Variants in NMNAT1 observed in about 807,000 individuals in gnomAD.
The protein encoded by NMNAT1 is nicotinamide/nicotinic acid mononucleotide adenylyltransferase 1.
A neutral mutation model predicts 16.7 loss-of-function variants in NMNAT1; 11 were observed. That is an observed-to-expected ratio of 0.66 (90% CI 0.41 to 1.09). NMNAT1 has a LOEUF of 1.09. Among genes scored for constraint, NMNAT1 ranks in the 50% least tolerant of loss-of-function variants. The pLI is 0.00. For missense variants in NMNAT1, 280 were observed against 332.3 expected (o/e 0.84, Z 1.22); for synonymous variants, 110 against 119.8 (o/e 0.92, Z 0.53).
In NMNAT1 at chr1:9,982,480, C is replaced by T. The variant is rs142968179; in HGVS notation, c.619C>T (p.Arg207Trp). 2.4e-5 allele frequency: 39 copies of T among 1,613,964 alleles called. No individual in the cohort carries two copies. The highest frequency in any genetic ancestry group is 3.1e-5 in the Non-Finnish European group (37 of 1,180,046). ...TGAATCGGATGTGCTGTGGAAACAC[C>T]GGAGCAACATTCACGTGGTGAATGA... The part of the protein sequence containing the change: ...IYESDVLWKH[R>W]SNIHVVNEWI... Residue 207 changes from arginine to tryptophan, a missense_variant, in exon 5 of 5, where the codon CGG (arginine) becomes TGG (tryptophan). Physicochemically the swap from Arg to Trp is moderately radical, Grantham distance 101. Transcript: ENST00000377205.
chr1:9,974,385 G>A (rs1471133665), intron 2 of NMNAT1, among the ~76,000 whole-genome samples: 1 of 97,356 alleles, frequency 1.0e-5, no homozygotes, highest in African/African-American at 3.7e-5. Flanking sequence ...CACCACATCT[G>A]GCTAATTTTT....
chr1:9,982,641 C>T lies in NMNAT1; in HGVS notation c.780C>T (p.Asp260=). The T allele has an allele frequency of 6.2e-7, 1 of 1,614,106 alleles. No individual in the cohort carries two copies. The highest frequency in any genetic ancestry group is 8.5e-7 in the Non-Finnish European group (1 of 1,180,000). ...KHNLYSSESE[D]RNAGVILAPL... The stretch of plus-strand genomic sequence containing the variant: ...ATTTGTACAGCTCTGAGAGTGAAGA[C>T]AGGAATGCTGGGGTCATCCTGGCCC... The change falls in exon 5 of 5, where the codon GAC becomes GAT. Residue 260 remains aspartate, a synonymous_variant. Coordinates refer to ENST00000377205, the MANE Select transcript of NMNAT1 (RefSeq NM_022787.4).
intron 1 of NMNAT1, among the ~76,000 whole-genome samples, chr1:9,953,138 G>A (rs549997285): frequency 4.6e-5 from 7 of 151,646 alleles, no homozygotes; most frequent in Non-Finnish European, 8.8e-5. Flanking sequence ...CCGCCACCAC[G>A]CCTGGCTAAT....
chr1:9,968,770 C>CA (rs35088826), intron 1 of NMNAT1, among the ~76,000 whole-genome samples: 54,807 of 79,020 alleles, frequency 0.69, 19,511 homozygotes, highest in Non-Finnish European at 0.81. Context: ...GACTCTGTCT[C>CA]AAAAAAAAAA....
intron 2 of NMNAT1, among the ~76,000 whole-genome samples, chr1:9,973,707 C>CAAA (rs1053350657): frequency 3.7e-4 from 8 of 21,614 alleles, no homozygotes; most frequent in African/African-American, 8.0e-4. Flanking sequence ...GACTCCATCT[C>CAAA]AAAAAAAAAA....
chr1:9,971,256 T>C (rs950155829), intron 1 of NMNAT1, among the ~76,000 whole-genome samples: 4 of 152,140 alleles, frequency 2.6e-5, no homozygotes, highest in Non-Finnish European at 5.9e-5. Context: ...CAGATTCACA[T>C]TGAAAAGGAG....
At chr1:9,949,985 A>G (rs1024081056) in intron 1 of NMNAT1, 3 of 152,124 alleles carry the variant, frequency 2.0e-5, no homozygotes, top group Non-Finnish European at 4.4e-5. Context: ...TTGATAGGAG[A>G]TCTTTATTTG....
At chr1:9,967,971 G>A (rs1466170503) in intron 1 of NMNAT1, among the ~76,000 whole-genome samples, 1 of 151,502 alleles carries the variant, frequency 6.6e-6, no homozygotes, top group Non-Finnish European at 1.5e-5. Flanking sequence ...GTGAGATACT[G>A]TCTCAAAAAT....
downstream of NMNAT1, among the ~76,000 whole-genome samples, chr1:9,987,164 T>C (rs1194933727): frequency 6.8e-6 from 1 of 147,204 alleles, no homozygotes; most frequent in Non-Finnish European, 1.5e-5. Context: ...TGACACTGCA[T>C]TCCAGCCTGG....
intron 1 of NMNAT1, among the ~76,000 whole-genome samples, 159 bp from the exon 2 acceptor site, chr1:9,971,859 A>G (rs1367754127): frequency 1.3e-5 from 2 of 152,004 alleles, no homozygotes; most frequent in South Asian, 2.1e-4. Context: ...GTTCCCAGCT[A>G]CTTGAGAGGC....
At chr1:9,958,266 A>C (rs1216364199) in intron 1 of NMNAT1, among the ~76,000 whole-genome samples, 1 of 152,182 alleles carries the variant, frequency 6.6e-6, no homozygotes, top group East Asian at 1.9e-4. Context: ...TAAAGTTTTA[A>C]ACATAATGAT....
the NMNAT1 span, among the ~76,000 whole-genome samples, chr1:9,996,301 C>T: frequency 1.6e-5 from 2 of 124,456 alleles, no homozygotes; most frequent in African/African-American, 5.7e-5. Flanking sequence ...CAGAGCGAGA[C>T]TCCGTCTCAA....
intron 2 of NMNAT1, 60 bp downstream of exon 2, chr1:9,972,248 C>T (rs1641706809): frequency 9.6e-6 from 8 of 835,378 alleles, no homozygotes; most frequent in Non-Finnish European, 1.7e-5. Context: ...CAGTGGCTCA[C>T]ACCTGCAATC....
chr1:9,963,567 G>A (rs1053785059), intron 1 of NMNAT1, among the ~76,000 whole-genome samples: 2 of 151,284 alleles, frequency 1.3e-5, no homozygotes, highest in Admixed American at 6.6e-5. Flanking sequence ...ACACCACCAC[G>A]CCCAGCGAAT....
intron 2 of NMNAT1, among the ~76,000 whole-genome samples, chr1:9,974,080 C>T (rs1641752167): frequency 6.6e-6 from 1 of 152,120 alleles, no homozygotes; most frequent in South Asian, 2.1e-4. Flanking sequence ...TCAAGTGATC[C>T]TCCCACGTCG....
At chr1:9,950,190 A>G (rs968592328) in intron 1 of NMNAT1, among the ~76,000 whole-genome samples, 1 of 152,102 alleles carries the variant, frequency 6.6e-6, no homozygotes, top group Non-Finnish European at 1.5e-5. Flanking sequence ...TCCCGGGTTC[A>G]AGTGATTCTC....
At chr1:9,994,451 A>G in the NMNAT1 span, among the ~76,000 whole-genome samples, 1 of 145,728 alleles carries the variant, frequency 6.9e-6, no homozygotes, top group South Asian at 2.2e-4. Context: ...TATTTTTGAG[A>G]CAGAGTTTGG....
In NMNAT1 at chr1:9,957,772, G is replaced by A. The variant is rs961917999; in HGVS notation, c.-56-14246G>A. Among the ~76,000 whole-genome samples the A allele has an allele frequency of 4.6e-5, 7 of 152,096 alleles. No homozygotes were observed. In the South Asian group the frequency reaches 1.4e-3, roughly 32 times the overall value. On this transcript the variant is annotated intron_variant, in intron 1 of 4. Coordinates refer to ENST00000377205, the MANE Select transcript of NMNAT1 (RefSeq NM_022787.4). The stretch of plus-strand genomic sequence containing the variant: ...TTGCAGCTTCCTGTCACTCCCCCTC[G>A]CTTAAGTAGATTCTCAGTTTTCAGA...
At chr1:9,964,590 C>T (rs1641498492) in intron 1 of NMNAT1, among the ~76,000 whole-genome samples, 1 of 151,728 alleles carries the variant, frequency 6.6e-6, no homozygotes, top group African/African-American at 2.4e-5. Context: ...TTTTGTAAAC[C>T]AAAAGTAGCA....
Sources: allele counts gnomAD v4.1 joint callset (sites outside exome capture counted in the v4.1 genomes callset), GRCh38; gene constraint gnomAD v4.1.1; transcripts MANE v1.5; gene names NCBI Gene and HGNC (gene_info 2026-07-23, HGNC 2026-07-21).